GRAMD1B: variants seen among roughly 807,000 people sequenced by gnomAD.
GRAMD1B encodes the protein GRAM domain containing 1B, also known as protein Aster-B.
Under a neutral mutation model 99.7 loss-of-function variants are expected in GRAMD1B, and 37 were observed. The observed-to-expected ratio is 0.37, with a 90% CI of 0.29 to 0.49. GRAMD1B has a LOEUF of 0.49. Among genes scored for constraint, GRAMD1B ranks in the 20% least tolerant of loss-of-function variants. The pLI is 0.98. For missense variants in GRAMD1B, 888 were observed against 1,009.2 expected (o/e 0.88, Z 1.63); for synonymous variants, 427 against 387.6 (o/e 1.10, Z -1.19).
chr11:123,608,279 A>T, intron 11 of GRAMD1B: 1 of 568,294 alleles, frequency 1.8e-6, no homozygotes, highest in Non-Finnish European at 3.1e-6. Flanking sequence ...ATTAGAGTTA[A>T]CTTACAGACT....
intron 4 of GRAMD1B, among the ~76,000 whole-genome samples, chr11:123,590,445 G>A (rs1471444536): frequency 6.6e-6 from 1 of 152,130 alleles, no homozygotes; most frequent in African/African-American, 2.4e-5. Context: ...GTGGAGCCCT[G>A]GCCAGCAACT....
At chr11:123,475,997 G>T (rs1207418532) in intron 1 of GRAMD1B, among the ~76,000 whole-genome samples, 2 of 152,174 alleles carry the variant, frequency 1.3e-5, no homozygotes, top group East Asian at 3.8e-4. Context: ...AATTGAAAGG[G>T]TGTGTGTGAG....
intron 2 of GRAMD1B, among the ~76,000 whole-genome samples, chr11:123,501,497 T>C (rs1161229223): frequency 6.6e-6 from 1 of 152,164 alleles, no homozygotes; most frequent in African/African-American, 2.4e-5. Context: ...CTTGCAATAC[T>C]CTTACTTCTC....
At position 123,614,834 on chromosome 11, in the gene GRAMD1B, G is replaced by A. The variant is rs745453238; in HGVS notation, c.2317G>A (p.Val773Ile). ...VSKLLLVISC[V>I]LVLLVILNMM... ...CAAGCTGCTGCTGGTTATCAGCTGTGTGTAAGGGATTCTAGGTTTTCCTAT... is the reference window on the plus strand; with the variant it reads ...CAAGCTGCTGCTGGTTATCAGCTGTATGTAAGGGATTCTAGGTTTTCCTAT... The change falls in exon 17 of 20, where the codon GTT becomes ATT. Residue 773 changes from valine to isoleucine, a missense_variant and splice_region_variant. By Grantham distance (29) the Val-to-Ile change is conservative (BLOSUM62 3). Coordinates refer to ENST00000635736, the MANE Select transcript of GRAMD1B (RefSeq NM_001387025.1). The A allele has an allele frequency of 1.3e-6, 2 of 1,594,336 alleles. No individual in the cohort carries two copies. The highest frequency in any genetic ancestry group is 1.7e-5 in the Admixed American group (1 of 59,780).
At position 123,624,972 on chromosome 11, in the gene GRAMD1B, C is replaced by T. The variant is rs900117532; in HGVS notation, c.*2377C>T. 2 of 152,124 alleles carry T rather than the reference C, an allele frequency of 1.3e-5. No individual in the cohort carries two copies. The highest frequency in any genetic ancestry group is 2.9e-5 in the Non-Finnish European group (2 of 68,014). The allele number at this position is 152,124 out of a possible 1,614,324, so 9.4% of individuals were successfully genotyped here. On this transcript the variant is annotated 3_prime_UTR_variant, in exon 20 of 20. Transcript: ENST00000635736. Reference sequence around the variant, plus strand: ...CCTCCTGGTTTTTTAGCGATTTGAACCCACTAGACAATGTGTGCACATAGG... The same window carrying T: ...CCTCCTGGTTTTTTAGCGATTTGAATCCACTAGACAATGTGTGCACATAGG...
intron 1 of GRAMD1B, chr11:123,459,491 A>T (rs183849606): frequency 1.3e-5 from 2 of 152,072 alleles, no homozygotes; most frequent in Admixed American, 1.3e-4. Flanking sequence ...CCGACTTCAG[A>T]TGATCCACCC....
chr11:123,377,291 A>C (rs987185792), intron 1 of GRAMD1B, among the ~76,000 whole-genome samples: 1 of 152,220 alleles, frequency 6.6e-6, no homozygotes, highest in Admixed American at 6.5e-5. Flanking sequence ...ATGCTTAAAA[A>C]CATCAGCAAC....
chr11:123,539,799 A>G (rs1944325869), intron 2 of GRAMD1B, among the ~76,000 whole-genome samples: 1 of 152,148 alleles, frequency 6.6e-6, no homozygotes, highest in African/African-American at 2.4e-5. Flanking sequence ...TACCGTTTCT[A>G]TCTCTGCAGT....
chr11:123,467,837 C>CCCTT (rs552787592), intron 1 of GRAMD1B, among the ~76,000 whole-genome samples: 1 of 52,588 alleles, frequency 1.9e-5, no homozygotes, highest in Middle Eastern at 0.011. Flanking sequence ...CTCCCTCCCT[C>CCCTT]CCTCCCTTCC....
intron 3 of GRAMD1B, among the ~76,000 whole-genome samples, chr11:123,582,273 G>A (rs1245449880): frequency 2.0e-4 from 30 of 152,236 alleles, no homozygotes; most frequent in East Asian, 7.7e-4. Context: ...GACGCCAGAC[G>A]CAGCCTGCTT....
rs370055967 is a variant in GRAMD1B, at chr11:123,451,587, G to A, written c.374+20421G>A. ...ACCAAACATTTTAACTAGCAGTTTC[G>A]GTGTGCTCCACTGTTTGAAAGCAGC... On this transcript the variant is annotated intron_variant, in intron 1 of 19. Coordinates refer to ENST00000635736, the MANE Select transcript of GRAMD1B (RefSeq NM_001387025.1). 7.1e-4 allele frequency among the ~76,000 whole-genome samples: 108 copies of A among 152,160 alleles called. 3 individuals are homozygous for A. The highest frequency in any genetic ancestry group is 2.5e-4 in the Non-Finnish European group (17 of 68,016).
At chr11:123,562,892 A>G (rs1364745890) in intron 2 of GRAMD1B, among the ~76,000 whole-genome samples, 1 of 152,262 alleles carries the variant, frequency 6.6e-6, no homozygotes, top group East Asian at 1.9e-4. Context: ...CTTTTGATTC[A>G]GAAAATGACT....
At chr11:123,470,924 C>T (rs1211464741) in intron 1 of GRAMD1B, among the ~76,000 whole-genome samples, 1 of 152,118 alleles carries the variant, frequency 6.6e-6, no homozygotes, top group African/African-American at 2.4e-5. Context: ...TCTGTACTGT[C>T]CACAATGAAG....
intron 1 of GRAMD1B, among the ~76,000 whole-genome samples, chr11:123,387,463 C>T (rs1023272682): frequency 6.6e-6 from 1 of 152,070 alleles, no homozygotes; most frequent in Non-Finnish European, 1.5e-5. Context: ...GTCACTGAGG[C>T]AGTGTTCTTT....
chr11:123,513,702 A>G (rs2953194), intron 2 of GRAMD1B, among the ~76,000 whole-genome samples: 119,075 of 148,544 alleles, frequency 0.8, 48,457 homozygotes, highest in African/African-American at 0.95. Context: ...TATTGCCTAG[A>G]CTGGAGTGCA....
intron 11 of GRAMD1B, 77 bp from the exon 12 acceptor site, chr11:123,608,582 T>A: frequency 2.6e-6 from 4 of 1,551,970 alleles, no homozygotes; most frequent in Non-Finnish European, 3.5e-6. Context: ...GAGACCTAAG[T>A]GCTCTTGGAG....
intron 2 of GRAMD1B, among the ~76,000 whole-genome samples, chr11:123,558,549 A>G (rs530082281): frequency 6.6e-6 from 1 of 152,346 alleles, no homozygotes; most frequent in Admixed American, 6.5e-5. Flanking sequence ...TCAGATGAAG[A>G]AACTGAGTTT....
intron 1 of GRAMD1B, among the ~76,000 whole-genome samples, chr11:123,474,174 A>C (rs1951149412): frequency 6.6e-6 from 1 of 152,206 alleles, no homozygotes; most frequent in African/African-American, 2.4e-5. Flanking sequence ...ACACTCACCA[A>C]GGGCCTGCTA....
At chr11:123,564,548 G>A (rs1947141483) in intron 2 of GRAMD1B, among the ~76,000 whole-genome samples, 1 of 152,228 alleles carries the variant, frequency 6.6e-6, no homozygotes, top group African/African-American at 2.4e-5. Flanking sequence ...GACGAGCGGT[G>A]ATGGGAGATA....
Sources: allele counts gnomAD v4.1 joint callset (sites outside exome capture counted in the v4.1 genomes callset), GRCh38; gene constraint gnomAD v4.1.1; transcripts MANE v1.5; gene names NCBI Gene and HGNC (gene_info 2026-07-23, HGNC 2026-07-21).